HIVEP2: variants seen among roughly 807,000 people sequenced by gnomAD.
The protein encoded by HIVEP2 is HIVEP zinc finger 2.
In HIVEP2, 14 loss-of-function variants were observed where a neutral mutation model predicts 180.7. That is an observed-to-expected ratio of 0.08 (90% confidence interval 0.05 to 0.12). The LOEUF is 0.12. Among genes scored for constraint, HIVEP2 ranks in the 10% least tolerant of loss-of-function variants. The pLI is 1.00. For missense variants in HIVEP2, 2,579 were observed against 3,008.5 expected (o/e 0.86, Z 3.34); for synonymous variants, 1,184 against 1,136.4 (o/e 1.04, Z -0.84).
intron 2 of HIVEP2, among the ~76,000 whole-genome samples, chr6:142,812,892 G>C (rs1456946629): frequency 6.6e-6 from 1 of 152,108 alleles, no homozygotes; most frequent in African/African-American, 2.4e-5. Context: ...AAAGATTAGT[G>C]AACTTGAAGA....
At chr6:142,814,220 T>C (rs1428105554) in intron 2 of HIVEP2, among the ~76,000 whole-genome samples, 2 of 152,068 alleles carry the variant, frequency 1.3e-5, no homozygotes, top group Non-Finnish European at 2.9e-5. Flanking sequence ...GCAGAGGAAA[T>C]AGCAACTGTA....
intron 2 of HIVEP2, among the ~76,000 whole-genome samples, chr6:142,787,686 CAT>C (rs941728829): frequency 2.0e-5 from 3 of 152,028 alleles, no homozygotes; most frequent in African/African-American, 7.2e-5. Context: ...AGACAACACA[CAT>C]ACACACACAC....
intron 2 of HIVEP2, among the ~76,000 whole-genome samples, chr6:142,818,485 T>A (rs1776903888): frequency 6.6e-6 from 1 of 151,680 alleles, no homozygotes; most frequent in Admixed American, 6.6e-5. Context: ...AAGACTAGCC[T>A]GGGCAACATT....
At chr6:142,802,711 T>A (rs2114765421) in intron 2 of HIVEP2, among the ~76,000 whole-genome samples, 1 of 152,148 alleles carries the variant, frequency 6.6e-6, no homozygotes, top group Middle Eastern at 3.4e-3. Context: ...TAAAAAAGAA[T>A]CACTCCCTAA....
chr6:142,851,701 T>A (rs1416994899), intron 1 of HIVEP2, among the ~76,000 whole-genome samples: 1 of 152,344 alleles, frequency 6.6e-6, no homozygotes, highest in African/African-American at 2.4e-5. Flanking sequence ...TGTAAAAAGA[T>A]ACATGGGTTG....
chr6:142,921,922 A>C (rs971873725), intron 1 of HIVEP2, among the ~76,000 whole-genome samples: 1 of 152,210 alleles, frequency 6.6e-6, no homozygotes, highest in Admixed American at 6.5e-5. Context: ...GCAATTTCCT[A>C]ATTATTAATC....
intron 2 of HIVEP2, among the ~76,000 whole-genome samples, chr6:142,794,590 AAAT>A (rs1776237533): frequency 6.6e-6 from 1 of 152,210 alleles, no homozygotes; most frequent in South Asian, 2.1e-4. Flanking sequence ...AATAATATGG[AAAT>A]AATATGGTCA....
intron 1 of HIVEP2, among the ~76,000 whole-genome samples, chr6:142,856,279 C>T (rs951169375): frequency 2.7e-5 from 3 of 110,526 alleles, no homozygotes; most frequent in Non-Finnish European, 5.7e-5. Flanking sequence ...AGGATTCTCC[C>T]CAAGCCATTC....
chr6:142,867,893 T>C (rs1776181234), intron 1 of HIVEP2, among the ~76,000 whole-genome samples: 1 of 152,208 alleles, frequency 6.6e-6, no homozygotes, highest in African/African-American at 2.4e-5. Flanking sequence ...GAATAGGTCA[T>C]TTATTTTTGC....
intron 1 of HIVEP2, among the ~76,000 whole-genome samples, chr6:142,900,767 GGCCTC>G (rs1777115692): frequency 1.3e-5 from 2 of 152,166 alleles, no homozygotes; most frequent in Non-Finnish European, 2.9e-5. Flanking sequence ...ACTTCTATCA[GGCCTC>G]CTTGCACAAA....
chr6:142,914,624 G>C (rs962372690), intron 1 of HIVEP2, among the ~76,000 whole-genome samples: 2 of 152,170 alleles, frequency 1.3e-5, no homozygotes, highest in African/African-American at 4.8e-5. Flanking sequence ...AAAACCTGAT[G>C]TATCCCCAGC....
Position 142,760,181 on chromosome 6 carries a change from G to A in HIVEP2, c.6107C>T (p.Pro2036Leu). The A allele has an allele frequency of 6.2e-7, 1 of 1,614,078 alleles. No homozygotes were observed. The highest frequency in any genetic ancestry group is 8.5e-7 in the Non-Finnish European group (1 of 1,179,968). The part of the protein sequence containing the change: ...CMLPSEPSSS[P>L]RDFSPSSHHS... ...GTGGCTTGAGGGTGAGAAGTCCCTGGGAGAGGAGCTTGGCTCTGAAGGTAG... is the reference window on the plus strand; with the variant it reads ...GTGGCTTGAGGGTGAGAAGTCCCTGAGAGAGGAGCTTGGCTCTGAAGGTAG... Residue 2036 changes from proline (P) to leucine (L), a missense_variant, in exon 9 of 10, where the codon CCC becomes CTC. Around this residue, in one of 11 missense-constraint regions of HIVEP2, gnomAD observed 660 missense variants for 731.7 expected, o/e 0.90. Transcript: ENST00000367603.
chr6:142,761,905 C>A (rs780609070), intron 7 of HIVEP2, among the ~76,000 whole-genome samples: 2 of 152,182 alleles, frequency 1.3e-5, no homozygotes, highest in Admixed American at 1.3e-4. Flanking sequence ...CCCAAATACA[C>A]CAGCCTCCTG....
At chr6:142,851,344 T>G (rs1775667554) in intron 1 of HIVEP2, among the ~76,000 whole-genome samples, 1 of 152,164 alleles carries the variant, frequency 6.6e-6, no homozygotes, top group South Asian at 2.1e-4. Context: ...ATGTAGCAAA[T>G]AGTTTTGGCA....
intron 1 of HIVEP2, among the ~76,000 whole-genome samples, chr6:142,841,295 T>C (rs948371371): frequency 2.6e-5 from 4 of 152,168 alleles, no homozygotes; most frequent in Non-Finnish European, 5.9e-5. Flanking sequence ...GCTTGCTTTA[T>C]TATGTTGTAT....
intron 1 of HIVEP2, among the ~76,000 whole-genome samples, chr6:142,862,447 A>G (rs191903280): frequency 1.7e-4 from 19 of 114,140 alleles, no homozygotes; most frequent in Admixed American, 4.1e-4. Flanking sequence ...TATAATACAT[A>G]TAATCGATTA....
chr6:142,938,147 G>C (rs187830281), intron 1 of HIVEP2, among the ~76,000 whole-genome samples: 3 of 152,276 alleles, frequency 2.0e-5, no homozygotes, highest in Admixed American at 6.5e-5. Flanking sequence ...AAAGAGCTTC[G>C]ATGACTTGTT....
chr6:142,792,997 G>C (rs1043445282), intron 2 of HIVEP2, among the ~76,000 whole-genome samples: 10 of 152,100 alleles, frequency 6.6e-5, no homozygotes, highest in Admixed American at 2.6e-4. Flanking sequence ...TGCTAGAGGG[G>C]CTTGATGAGT....
intron 2 of HIVEP2, among the ~76,000 whole-genome samples, chr6:142,795,980 G>A (rs186639710): frequency 6.6e-6 from 1 of 152,248 alleles, no homozygotes; most frequent in Admixed American, 6.5e-5. Flanking sequence ...GATAATAAAG[G>A]TGCTGGCCCA....
Sources: gnomAD v4.1 joint callset for allele counts (sites outside exome capture counted in the v4.1 genomes callset) on GRCh38, gnomAD v4.1.1 for gene constraint, gnomAD v4.1.1 regional missense constraint, MANE v1.5 for transcripts, NCBI Gene and HGNC (gene_info 2026-07-23, HGNC 2026-07-21) for gene names.